RUFY3: variants seen among roughly 807,000 people sequenced by gnomAD.
RUFY3 encodes RUN and FYVE domain containing 3.
Under a neutral mutation model 84.0 loss-of-function variants are expected in RUFY3, and 34 were observed. That is an observed-to-expected ratio of 0.40 (90% CI 0.31 to 0.54). The LOEUF is 0.54. Among genes scored for constraint, RUFY3 ranks in the 20% least tolerant of loss-of-function variants. RUFY3 has a pLI of 0.39. For missense variants in RUFY3, 507 were observed against 736.8 expected, an observed-to-expected ratio of 0.69 and a Z score of 3.61; for synonymous variants, 242 against 252.9, an observed-to-expected ratio of 0.96 and a Z score of 0.41.
chr4:70,802,348 A>C (rs1378574369), intron 15 of RUFY3, among the ~76,000 whole-genome samples: 2 of 152,162 alleles, frequency 1.3e-5, no homozygotes, highest in African/African-American at 4.8e-5. Context: ...TCTGTAGTGC[A>C]TTTTCCCTGT....
intron 1 of RUFY3, among the ~76,000 whole-genome samples, chr4:70,733,435 T>C (rs1719785740): frequency 6.6e-6 from 1 of 152,166 alleles, no homozygotes; most frequent in Non-Finnish European, 1.5e-5. Context: ...ATTTTATCAT[T>C]GTGAATCAAG....
At position 70,738,180 on chromosome 4, in the gene RUFY3, G is replaced by C. The variant is rs1720700502; in HGVS notation, c.178+15429G>C. ...TCTTTTGTATTTTTGGCAGAGACAG[G>C]GTTTCGCCATGTTGTCTAGGCTGGT... is the stretch of plus-strand genomic sequence containing the variant. On this transcript the variant is annotated intron_variant, in intron 1 of 17. Transcript: ENST00000381006. Among the ~76,000 whole-genome samples, 4 of 150,526 alleles carry C rather than the reference G, an allele frequency of 2.7e-5. No individual in the cohort carries two copies. In the Admixed American group the frequency reaches 2.7e-4, roughly 10 times the overall value.
intron 9 of RUFY3, among the ~76,000 whole-genome samples, chr4:70,783,946 A>G (rs1160257935): frequency 6.6e-6 from 1 of 152,084 alleles, no homozygotes; most frequent in Non-Finnish European, 1.5e-5. Context: ...CATGCTTCTA[A>G]TCTACTCTCC....
intron 1 of RUFY3, among the ~76,000 whole-genome samples, chr4:70,757,099 G>A (rs563006658): frequency 1.3e-5 from 2 of 151,700 alleles, no homozygotes; most frequent in African/African-American, 2.4e-5. Context: ...GGGAGACCCT[G>A]TCTCTACAAA....
At chr4:70,717,450 T>C (rs536891224), upstream of RUFY3, among the ~76,000 whole-genome samples, 2 of 152,114 alleles carry the variant, frequency 1.3e-5, no homozygotes, top group African/African-American at 2.4e-5. Context: ...AATATGTAAG[T>C]TGGGGGGCCT....
intron 1 of RUFY3, among the ~76,000 whole-genome samples, chr4:70,758,102 C>T (rs1724343349): frequency 6.6e-6 from 1 of 152,122 alleles, no homozygotes; most frequent in South Asian, 2.1e-4. Flanking sequence ...CAGCTCAGTA[C>T]AATGTTACAC....
At chr4:70,716,052 T>C (rs944148022) in intron 1 of RUFY3, among the ~76,000 whole-genome samples, 4 of 151,548 alleles carry the variant, frequency 2.6e-5, no homozygotes, top group African/African-American at 9.7e-5. Flanking sequence ...AGGTGGAGGT[T>C]GCAATGAGCC....
In RUFY3 at chr4:70,763,641, G is replaced by T. The variant is rs1341940254; in HGVS notation, c.442G>T (p.Ala148Ser). The T allele has an allele frequency of 6.2e-7, 1 of 1,611,052 alleles. No individual in the cohort carries two copies. Among genetic ancestry groups the T allele is most frequent in the Non-Finnish European group, 8.5e-7 (1 of 1,177,754 alleles). The stretch of plus-strand genomic sequence containing the variant: ...TGTTCCAGAAGCCGCAGAGATAACA[G>T]CAAGTGTTAAAGATCTTCCAGGACT... Reference protein sequence around the residue: ...KLVPEAAEITASVKDLPGLKT... With the variant: ...KLVPEAAEITSSVKDLPGLKT... The change falls in exon 3 of 18, where the codon GCA (alanine) becomes TCA (serine). Residue 148 changes from alanine to serine, a missense_variant. Ala to Ser is a moderately conservative substitution (Grantham distance 99). This residue lies in a region of RUFY3 where 133 missense variants were observed against 301.1 expected (regional missense o/e 0.44). Transcript: ENST00000381006.
chr4:70,754,318 G>GAGTACCGAGTACCGAGGC (rs1723627427), intron 1 of RUFY3, among the ~76,000 whole-genome samples: 3 of 152,140 alleles, frequency 2.0e-5, no homozygotes, highest in African/African-American at 7.2e-5. Context: ...CTCCCAAAGT[G>GAGTACCGAGTACCGAGGC]CTGGGATTAC....
upstream of RUFY3, among the ~76,000 whole-genome samples, chr4:70,718,655 C>G (rs1416168753): frequency 6.6e-6 from 1 of 152,026 alleles, no homozygotes; most frequent in Non-Finnish European, 1.5e-5. Flanking sequence ...TTAACTTTAA[C>G]TTCATATTCA....
At chr4:70,772,090 A>T (rs1727063197) in intron 5 of RUFY3, among the ~76,000 whole-genome samples, 1 of 150,858 alleles carries the variant, frequency 6.6e-6, no homozygotes, top group Non-Finnish European at 1.5e-5. Context: ...TGGATGACAG[A>T]GTGAGACTTT....
At chr4:70,740,117 C>T (rs1268291550) in intron 1 of RUFY3, among the ~76,000 whole-genome samples, 2 of 152,054 alleles carry the variant, frequency 1.3e-5, no homozygotes, top group East Asian at 3.9e-4. Context: ...AACATCTACC[C>T]TTAAGGTACA....
At chr4:70,704,120 G>A (rs1739989156), upstream of RUFY3, 1 of 152,234 alleles carries the variant, frequency 6.6e-6, no homozygotes, top group South Asian at 2.1e-4. Flanking sequence ...ATTGACATTT[G>A]TCGTATAAAT....
intron 16 of RUFY3, among the ~76,000 whole-genome samples, chr4:70,803,901 A>G (rs1460742728): frequency 7.4e-6 from 1 of 135,998 alleles, no homozygotes; most frequent in African/African-American, 2.9e-5. Context: ...TTTTTTTTTA[A>G]TATATATATT....
At chr4:70,733,627 A>G (rs1238398188) in intron 1 of RUFY3, among the ~76,000 whole-genome samples, 1 of 152,172 alleles carries the variant, frequency 6.6e-6, no homozygotes, top group Non-Finnish European at 1.5e-5. Context: ...AAGTTGTAGA[A>G]CACCTTACAC....
At chr4:70,739,575 C>A (rs1000919786) in intron 1 of RUFY3, among the ~76,000 whole-genome samples, 4 of 152,010 alleles carry the variant, frequency 2.6e-5, no homozygotes, top group African/African-American at 9.7e-5. Context: ...CTCAAGGGGA[C>A]AAAATAACCC....
At chr4:70,777,593 A>G (rs1244722817) in intron 7 of RUFY3, among the ~76,000 whole-genome samples, 1 of 152,218 alleles carries the variant, frequency 6.6e-6, no homozygotes, top group African/African-American at 2.4e-5. Flanking sequence ...TTAATGAACT[A>G]TGGAGATGTT....
At chr4:70,762,095 C>T (rs180943256) in intron 1 of RUFY3, among the ~76,000 whole-genome samples, 3 of 152,266 alleles carry the variant, frequency 2.0e-5, no homozygotes, top group Non-Finnish European at 2.9e-5. Flanking sequence ...GTGGGAATAT[C>T]GCTTCAGCTC....
chr4:70,739,477 G>A (rs561470938), intron 1 of RUFY3, among the ~76,000 whole-genome samples: 6 of 152,138 alleles, frequency 3.9e-5, no homozygotes, highest in Non-Finnish European at 7.4e-5. Context: ...TATATGTGAT[G>A]TGTCTGGGTT....
Sources: gnomAD v4.1 joint callset for allele counts (sites outside exome capture counted in the v4.1 genomes callset) on GRCh38, gnomAD v4.1.1 for gene constraint, gnomAD v4.1.1 regional missense constraint, MANE v1.5 for transcripts, NCBI Gene and HGNC (gene_info 2026-07-23, HGNC 2026-07-21) for gene names.